Variants in SRC observed in about 807,000 individuals in gnomAD.
SRC encodes proto-oncogene tyrosine-protein kinase Src.
In SRC, 13 loss-of-function variants were observed where a neutral mutation model predicts 62.9. The ratio of observed to expected loss-of-function variants is 0.21; its 90% CI spans 0.13 to 0.33. The LOEUF is 0.33. SRC is among the 10% of genes least tolerant of loss of function. The pLI is 1.00. For missense variants in SRC, 457 were observed against 737.3 expected (o/e 0.62, Z 4.40); for synonymous variants, 302 against 317.5 (o/e 0.95, Z 0.52).
chr20:37,389,479 C>T (rs916829062), intron 5 of SRC, among the ~76,000 whole-genome samples: 4 of 152,202 alleles, frequency 2.6e-5, no homozygotes, highest in Non-Finnish European at 5.9e-5. Context: ...GTGCTGGCTT[C>T]ACCCCTGCCT....
intron 2 of SRC, among the ~76,000 whole-genome samples, chr20:37,382,149 T>TC (rs2070374093): frequency 6.6e-6 from 1 of 152,164 alleles, no homozygotes; most frequent in Non-Finnish European, 1.5e-5. Flanking sequence ...TCCCAGGCCT[T>TC]CTGCCTCCCC....
Position 37,398,348 on chromosome 20 carries a change from G to A in SRC, c.859+494G>A, listed in dbSNP as rs894580478. Among the ~76,000 whole-genome samples the A allele has an allele frequency of 1.3e-5, 2 of 152,246 alleles. No homozygotes were observed. The highest frequency in any genetic ancestry group is 4.8e-5 in the African/African-American group (2 of 41,458). On this transcript the variant is annotated intron_variant, in intron 9 of 13. Transcript: ENST00000373578. The surrounding 1 kb of genome is among the most constrained non-coding windows in gnomAD (Gnocchi z 5.2). Reference sequence around the variant, plus strand: ...ACCCTGGAGAAACAGCAAAGCATGAGCACCGTGCAGCCCTGACAAAACCCA... The same window carrying A: ...ACCCTGGAGAAACAGCAAAGCATGAACACCGTGCAGCCCTGACAAAACCCA...
chr20:37,370,669 A>G (rs1358589635), intron 2 of SRC, among the ~76,000 whole-genome samples: 1 of 152,200 alleles, frequency 6.6e-6, no homozygotes, highest in Non-Finnish European at 1.5e-5. Context: ...CCAGTTTTCT[A>G]GTATTTTGTA....
At chr20:37,367,254 T>A (rs539404930) in intron 2 of SRC, among the ~76,000 whole-genome samples, 83 of 150,460 alleles carry the variant, frequency 5.5e-4, no homozygotes, top group African/African-American at 1.8e-3. Context: ...TTTTTTTTTT[T>A]AAATTTGTGG....
rs372678766 is a variant in SRC at position 37,396,339 on chromosome 20, G to T, written c.703+28G>T. ...GAGCCAGCCTCGGAGGGCGGAGGGC[G>T]GGCGGGCAAAGCCTCAGCTGCAGAC... On this transcript the variant is annotated intron_variant, in intron 8 of 13. Coordinates refer to ENST00000373578, the MANE Select transcript of SRC (RefSeq NM_198291.3). The surrounding 1 kb of genome is among the most constrained non-coding windows in gnomAD (Gnocchi z 6.1). 1.2e-6 allele frequency: 2 copies of T among 1,610,340 alleles called. No homozygotes were observed. Among genetic ancestry groups the T allele is most frequent in the Admixed American group, 3.3e-5 (2 of 60,008 alleles).
chr20:37,371,428 C>T (rs2070163811), intron 2 of SRC, among the ~76,000 whole-genome samples: 1 of 151,928 alleles, frequency 6.6e-6, no homozygotes, highest in Non-Finnish European at 1.5e-5. Flanking sequence ...TAATGTCTTC[C>T]CTTTCATTCC....
chr20:37,353,803 A>G (rs543954589), intron 1 of SRC, among the ~76,000 whole-genome samples: 25 of 152,228 alleles, frequency 1.6e-4, no homozygotes, highest in African/African-American at 6.0e-4. Flanking sequence ...TCAGCCCTCC[A>G]GCCCTCCCCA....
chr20:37,388,805 G>T (rs1185886986), intron 5 of SRC, among the ~76,000 whole-genome samples: 1 of 151,566 alleles, frequency 6.6e-6, no homozygotes, highest in Admixed American at 6.6e-5. Flanking sequence ...TAGAAGAGGA[G>T]AGGGAAAGGG....
At chr20:37,400,960 T>C (rs901168412) in intron 10 of SRC, among the ~76,000 whole-genome samples, 3 of 152,160 alleles carry the variant, frequency 2.0e-5, no homozygotes, top group African/African-American at 4.8e-5. Flanking sequence ...ATGGAATCTT[T>C]TACATCTGGG....
chr20:37,376,376 G>A (rs900197044), intron 2 of SRC, among the ~76,000 whole-genome samples: 3 of 152,168 alleles, frequency 2.0e-5, no homozygotes, highest in African/African-American at 2.4e-5. Flanking sequence ...ATGACATCAC[G>A]CTTCCTCACA....
rs981566631 is a variant in SRC at position 37,397,877 on chromosome 20, G to A, written c.859+23G>A. On this transcript the variant is annotated intron_variant, in intron 9 of 13. Transcript: ENST00000373578. The surrounding 1 kb of genome is among the most constrained non-coding windows in gnomAD (Gnocchi z 4.1). ...TGGGTAAGGCCTGGCCCCTGCCCTCGGGAGAGGCATCCACCCCCCACCCCG... is the reference window on the plus strand; with the variant it reads ...TGGGTAAGGCCTGGCCCCTGCCCTCAGGAGAGGCATCCACCCCCCACCCCG... The A allele has an allele frequency of 8.1e-6, 13 of 1,595,830 alleles. 1 individual carries two copies. Among genetic ancestry groups the A allele is most frequent in the South Asian group, 3.4e-5 (3 of 89,022 alleles).
chr20:37,375,094 C>G (rs1307570363), intron 2 of SRC, among the ~76,000 whole-genome samples: 12 of 151,768 alleles, frequency 7.9e-5, no homozygotes, highest in Non-Finnish European at 5.9e-5. Flanking sequence ...CCATGCCTGA[C>G]TAATTTTTGT....
intron 4 of SRC, among the ~76,000 whole-genome samples, chr20:37,385,492 A>G (rs190076547): frequency 1.1e-4 from 17 of 152,192 alleles, no homozygotes; most frequent in Non-Finnish European, 1.9e-4. Flanking sequence ...GCGAAGGCGC[A>G]AAACAGGCAG....
intron 2 of SRC, among the ~76,000 whole-genome samples, chr20:37,366,285 T>C (rs776544150): frequency 3.3e-5 from 5 of 152,186 alleles, no homozygotes; most frequent in Non-Finnish European, 5.9e-5. Context: ...CAGCATAAAT[T>C]GCATAAGTGC....
At chr20:37,373,151 C>T (rs6018114) in intron 2 of SRC, among the ~76,000 whole-genome samples, 4,248 of 99,006 alleles carry the variant, frequency 0.043, 186 homozygotes, top group African/African-American at 0.24. Context: ...TGTACATATA[C>T]ACACATACAC....
In SRC at chr20:37,384,226, C is replaced by G. The variant is rs1188439975; in HGVS notation, c.73C>G (p.His25Asp). 1.6e-5 allele frequency: 26 copies of G among 1,592,474 alleles called. No homozygotes were observed. The highest frequency in any genetic ancestry group is 2.1e-5 in the Non-Finnish European group (25 of 1,174,496). ...RRSLEPAENV[H>D]GAGGGAFPAS... ...CAGCCTGGAGCCCGCCGAGAACGTG[C>G]ACGGCGCTGGCGGGGGCGCTTTCCC... Residue 25 changes from histidine (H) to aspartate (D), a missense_variant, in exon 4 of 14, where the codon CAC becomes GAC. Around this residue, in one of 4 missense-constraint regions of SRC, gnomAD observed 132 missense variants for 135.4 expected, o/e 0.98. Transcript: ENST00000373578. This position sits in a 1 kb window ranked among gnomAD's most constrained non-coding sequence, Gnocchi z 6.7.
Position 37,384,364 on chromosome 20 carries a change from G to T in SRC, c.211G>T (p.Asp71Tyr). The T allele has an allele frequency of 6.8e-7, 1 of 1,462,068 alleles. No homozygotes were observed. Among genetic ancestry groups the T allele is most frequent in the Non-Finnish European group, 9.0e-7 (1 of 1,112,140 alleles). The allele number at this position is 1,462,068 out of a possible 1,614,324, so 90.6% of individuals were successfully genotyped here. A position where few individuals can be genotyped will look rare whatever the true frequency, so the allele number is the denominator to read the frequency against. Residue 71 changes from aspartate to tyrosine, a missense_variant, in exon 4 of 14, where the codon GAC becomes TAC. Physicochemically the swap from Asp to Tyr is radical, Grantham distance 160. Coordinates refer to ENST00000373578, the MANE Select transcript of SRC (RefSeq NM_198291.3). This position sits in a 1 kb window ranked among gnomAD's most constrained non-coding sequence, Gnocchi z 6.7. ...PKLFGGFNSS[D>Y]TVTSPQRAGP... is the part of the protein sequence containing the mutation. ...GCTGTTCGGAGGCTTCAACTCCTCG[G>T]ACACCGTCACCTCCCCGCAGAGGGC...
rs142941466 is a variant in SRC, at chr20:37,397,745, G to T, written c.750G>T (p.Thr250=). Residue 250 remains threonine, a synonymous_variant, in exon 9 of 14, where the codon ACG becomes ACT. Transcript: ENST00000373578. The surrounding 1 kb of genome is among the most constrained non-coding windows in gnomAD (Gnocchi z 4.1). ...LCHRLTTVCP[T]SKPQTQGLAK... is the part of the protein sequence containing the mutation. The stretch of plus-strand genomic sequence containing the variant: ...ACCGCCTCACCACCGTGTGCCCCAC[G>T]TCCAAGCCGCAGACTCAGGGCCTGG... 1.2e-6 allele frequency: 2 copies of T among 1,609,374 alleles called. No homozygotes were observed. The highest frequency in any genetic ancestry group is 1.7e-6 in the Non-Finnish European group (2 of 1,177,882).
Position 37,361,862 on chromosome 20 carries a change from GGTAGAGAT to G in SRC, c.-246-3332_-246-3325del, listed in dbSNP as rs201012631. On this transcript the variant is annotated intron_variant, in intron 1 of 13. Coordinates refer to ENST00000373578, the MANE Select transcript of SRC (RefSeq NM_198291.3). ...AGAGATGCCGGGGTCTCTGTGTGCAGGTAGAGATGTAGAGATGCCGGGGTCTCTGTGTG... is the reference window on the plus strand; with the variant it reads ...AGAGATGCCGGGGTCTCTGTGTGCAGGTAGAGATGCCGGGGTCTCTGTGTG... Among the ~76,000 whole-genome samples the G allele has an allele frequency of 7.9e-3, 296 of 37,342 alleles. 30 individuals carry two copies. The African/African-American group carries it at 0.081, about 10-fold the overall frequency. The allele number at this position is 37,342 out of a possible 152,430, so 24.5% of individuals were successfully genotyped here. A position where few individuals can be genotyped will look rare whatever the true frequency, so the allele number is the denominator to read the frequency against.
Sources: gnomAD v4.1 joint callset for allele counts (sites outside exome capture counted in the v4.1 genomes callset) on GRCh38, gnomAD v4.1.1 for gene constraint, gnomAD v4.1.1 regional missense constraint, Gnocchi (gnomAD v3.1) non-coding constraint, MANE v1.5 for transcripts, NCBI Gene and HGNC (gene_info 2026-07-23, HGNC 2026-07-21) for gene names.